Variants in PLXNB3 observed in about 807,000 individuals in gnomAD.
The protein encoded by PLXNB3 is plexin-B3.
In PLXNB3, 80 loss-of-function variants were observed where a neutral mutation model predicts 125.7. The ratio of observed to expected loss-of-function variants is 0.64; its 90% confidence interval spans 0.53 to 0.77. The LOEUF is 0.77. Ranked by LOEUF, PLXNB3 falls within the 30% of genes least tolerant of loss-of-function variation. The pLI is 0.00. For synonymous variants in PLXNB3, 954 were observed against 783.3 expected, an observed-to-expected ratio of 1.22 and a Z score of -3.64; for missense variants, 1,836 against 1,729.3, an observed-to-expected ratio of 1.06 and a Z score of -1.09.
In PLXNB3 at chrX:153,772,163, C is replaced by T; in HGVS notation, c.2670-19C>T. On this transcript the variant is annotated intron_variant, in intron 15 of 35. Coordinates refer to ENST00000361971, the MANE Select transcript of PLXNB3 (RefSeq NM_005393.3). ...TCCGTCCCTGAGCCCTGAGCAGCTC[C>T]CAGGCCTCGGCTTTCCAGGATTGTG... The T allele has an allele frequency of 8.4e-7, 1 of 1,188,985 alleles. No individual in the cohort carries two copies. Among genetic ancestry groups the T allele is most frequent in the Non-Finnish European group, 1.1e-6 (1 of 878,227 alleles).
chrX:153,776,232 G>GGGC lies in PLXNB3; in HGVS notation c.4729+18_4729+19insGGC. The GGGC allele has an allele frequency of 9.0e-7, 1 of 1,106,136 alleles. No individual in the cohort carries two copies. Among genetic ancestry groups the GGGC allele is most frequent in the Non-Finnish European group, 1.2e-6 (1 of 825,141 alleles). The allele number at this position is 1,106,136 out of a possible 1,213,427, so 91.2% of individuals were successfully genotyped here. A position where few individuals can be genotyped will look rare whatever the true frequency, so the allele number is the denominator to read the frequency against. On this transcript the variant is annotated intron_variant, in intron 27 of 35. Transcript: ENST00000361971. ...AGACCTTGGTGAGAGAGCCAGCCCT[G>GGGC]CCCACCCACCCCAGGGACCCTTCCC...
chrX:153,770,428 C>T lies in PLXNB3; in HGVS notation c.1877C>T (p.Ala626Val). The change falls in exon 9 of 36, where the codon GCC becomes GTC. Residue 626 changes from alanine to valine, a missense_variant. Coordinates refer to ENST00000361971, the MANE Select transcript of PLXNB3 (RefSeq NM_005393.3). Reference sequence around the variant, plus strand: ...TTTTATGACTGCAGTGCCGTCCAGGCCTTGGAGGCGGCTGCCCCGTGAGTC... The same window carrying T: ...TTTTATGACTGCAGTGCCGTCCAGGTCTTGGAGGCGGCTGCCCCGTGAGTC... Reference protein sequence around the residue: ...FSFYDCSAVQALEAAAPCRAC... With the variant: ...FSFYDCSAVQVLEAAAPCRAC... 8.3e-7 allele frequency: 1 copy of T among 1,209,294 alleles called. No individual in the cohort carries two copies. The highest frequency in any genetic ancestry group is 1.1e-6 in the Non-Finnish European group (1 of 893,825).
At chrX:153,769,124 C>G (rs1226138725) in intron 5 of PLXNB3, 38 bp from the exon 6 acceptor site, 2 of 1,200,869 alleles carry the variant, frequency 1.7e-6, no homozygotes, top group South Asian at 1.8e-5. Flanking sequence ...CGGCCCAAGT[C>G]TCGTGCCCAT....
Position 153,771,348 on chromosome X carries a change from C to T in PLXNB3, c.2292C>T (p.Pro764=), listed in dbSNP as rs1557061779. 9.9e-6 allele frequency: 12 copies of T among 1,210,512 alleles called. No homozygotes were observed. In the East Asian group the frequency reaches 3.2e-4, roughly 33 times the overall value. The change falls in exon 13 of 36, where the codon CCC becomes CCT. Residue 764 remains proline (P), a synonymous_variant. Transcript: ENST00000361971. ...TGTCCCAGCGGGAGCTCCCAGTGCC[C>T]ATCTACGTCACCCAGGGTGAAGCCC... ...PSMSQRELPV[P]IYVTQGEAQR...
chrX:153,766,735 C>T (rs2091863245), intron 2 of PLXNB3, 138 bp from the exon 3 acceptor site: 11 of 1,067,325 alleles, frequency 1.0e-5, no homozygotes, highest in Non-Finnish European at 1.2e-5. Flanking sequence ...TCCGCTCACT[C>T]TCTCTCATTC....
rs782116446 is a variant in PLXNB3 at position 153,778,929 on chromosome X, G to A, written c.5626-6G>A. 4.2e-5 allele frequency: 49 copies of A among 1,158,030 alleles called. No homozygotes were observed. Among genetic ancestry groups the A allele is most frequent in the East Asian group, 2.8e-4 (9 of 32,236 alleles). On this transcript the variant is annotated splice_polypyrimidine_tract_variant and splice_region_variant and intron_variant, in intron 35 of 35. Transcript: ENST00000361971. ...CTCAGACAGGCACCCTCCTCTGCCC[G>A]GGCAGATTATCAGTGCCCTGGAGGA...
At chrX:153,773,456 G>A (rs1442087858) in intron 18 of PLXNB3, 50 bp downstream of exon 18, 2 of 1,183,888 alleles carry the variant, frequency 1.7e-6, no homozygotes, top group Admixed American at 2.2e-5. Context: ...GAGGGAAGGT[G>A]GGATGCGGGC....
intron 16 of PLXNB3, 115 bp from the exon 17 acceptor site, chrX:153,772,771 A>T (rs2091946652): frequency 1.9e-6 from 2 of 1,037,400 alleles, no homozygotes; most frequent in Non-Finnish European, 1.2e-6. Context: ...TGGCCCCAGG[A>T]GGTGAAGTCC....
chrX:153,773,581 T>C lies in PLXNB3; in HGVS notation c.3147T>C (p.Ser1049=), dbSNP rs782509978. Residue 1049 remains serine, a synonymous_variant, in exon 19 of 36, where the codon TCT becomes TCC. Coordinates refer to ENST00000361971, the MANE Select transcript of PLXNB3 (RefSeq NM_005393.3). ...GLDVVQRPLL[S]VWLEADAEVQ... is the part of the protein sequence containing the mutation. ...ACGTGGTGCAGCGGCCCCTACTGTC[T>C]GTGTGGCTGGAGGCTGACGCAGAGG... 4.1e-6 allele frequency: 5 copies of C among 1,206,873 alleles called. No homozygotes were observed. In the Admixed American group the frequency reaches 1.1e-4, roughly 26 times the overall value.
intron 7 of PLXNB3, 42 bp downstream of exon 7, chrX:153,769,981 C>CA: frequency 8.4e-7 from 1 of 1,194,411 alleles, no homozygotes; most frequent in East Asian, 3.0e-5. Context: ...GCAGCATGAC[C>CA]ACTGCCTGGA....
At chrX:153,765,908 C>T (rs931335825) in intron 2 of PLXNB3, 9 of 754,237 alleles carry the variant, frequency 1.2e-5, no homozygotes, top group African/African-American at 1.1e-4. Context: ...CTCTCACCCT[C>T]GGGGGCTCAC....
intron 34 of PLXNB3, 42 bp from the exon 35 acceptor site, chrX:153,778,558 C>G (rs1557065387): frequency 8.5e-7 from 1 of 1,173,800 alleles, no homozygotes; most frequent in Admixed American, 2.3e-5. Flanking sequence ...GCTTGAGGAC[C>G]AGGCTGGGAC....
rs782125512 is a variant in PLXNB3 at position 153,766,873 on chromosome X, G to A, written c.46G>A (p.Ala16Thr). 8.4e-7 allele frequency: 1 copy of A among 1,192,502 alleles called. No individual in the cohort carries two copies. The highest frequency in any genetic ancestry group is 3.0e-5 in the East Asian group (1 of 33,229). The change falls in exon 3 of 36, where the codon GCC (alanine) becomes ACC (threonine). Residue 16 changes from alanine to threonine, a missense_variant and splice_region_variant. Transcript: ENST00000361971. ...TGCCCTGACCTGTGCCCTCTCACAGGCCCCCGTGATGGCTCGCTGGCCTCC... is the reference window on the plus strand; with the variant it reads ...TGCCCTGACCTGTGCCCTCTCACAGACCCCCGTGATGGCTCGCTGGCCTCC... ...QETPLLHHFMAPVMARWPPFG... is the reference protein window; with the variant it reads ...QETPLLHHFMTPVMARWPPFG...
intron 1 of PLXNB3, among the ~76,000 whole-genome samples, chrX:153,765,021 C>T (rs1478537676): frequency 1.8e-5 from 2 of 113,234 alleles, no homozygotes; most frequent in African/African-American, 3.2e-5. Context: ...TGGCACTTCA[C>T]CCAGGCCCCA....
rs1355086646 is a variant in PLXNB3, at chrX:153,774,463, A to T, written c.3722A>T (p.Tyr1241Phe). The T allele has an allele frequency of 8.3e-7, 1 of 1,204,226 alleles. No homozygotes were observed. Among genetic ancestry groups the T allele is most frequent in the African/African-American group, 1.7e-5 (1 of 57,882 alleles). The stretch of plus-strand genomic sequence containing the variant: ...CAGCTGGCCCTGGGCCCTGTGCAGT[A>T]CGAGGCTGAACCCCCGCTGTCTGCC... ...NVQLALGPVQ[Y>F]EAEPPLSAFP... The change falls in exon 22 of 36, where the codon TAC becomes TTC. Residue 1241 changes from tyrosine to phenylalanine, a missense_variant. By Grantham distance (22) the Tyr-to-Phe change is conservative. Coordinates refer to ENST00000361971, the MANE Select transcript of PLXNB3 (RefSeq NM_005393.3).
At position 153,771,332 on chromosome X, in the gene PLXNB3, G is replaced by C; in HGVS notation, c.2276G>C (p.Arg759Pro). The C allele has an allele frequency of 2.5e-6, 3 of 1,209,651 alleles. No individual in the cohort carries two copies. Among genetic ancestry groups the C allele is most frequent in the Non-Finnish European group, 2.2e-6 (2 of 893,837 alleles). The change falls in exon 13 of 36, where the codon CGG (arginine) becomes CCG (proline). Residue 759 changes from arginine to proline, a missense_variant. Physicochemically the swap from Arg to Pro is moderately radical, Grantham distance 103. Coordinates refer to ENST00000361971, the MANE Select transcript of PLXNB3 (RefSeq NM_005393.3). ...CAGTTTTATCCCTCCATGTCCCAGC[G>C]GGAGCTCCCAGTGCCCATCTACGTC... ...AHQFYPSMSQ[R>P]ELPVPIYVTQ...
Position 153,768,961 on chromosome X carries a change from G to A in PLXNB3, c.1280G>A (p.Gly427Asp), listed in dbSNP as rs782281721. 1.7e-5 allele frequency: 21 copies of A among 1,210,703 alleles called. No individual in the cohort carries two copies. Among genetic ancestry groups the A allele is most frequent in the Non-Finnish European group, 2.3e-5 (21 of 894,871 alleles). The change falls in exon 5 of 36, where the codon GGC (glycine) becomes GAC (aspartate). Residue 427 changes from glycine (G) to aspartate (D), a missense_variant. Transcript: ENST00000361971. The stretch of plus-strand genomic sequence containing the variant: ...CCCCCCACTCAGGTCTTTCTCCACG[G>A]CTCCCAGGGCCAGGTTTACCACTCC... The part of the protein sequence containing the change: ...QGQLYKVFLH[G>D]SQGQVYHSQQ...
rs781948466 is a variant in PLXNB3 at position 153,774,926 on chromosome X, C to T, written c.3978C>T (p.Ser1326=). 58 of 1,188,883 alleles carry T rather than the reference C, an allele frequency of 4.9e-5. No individual in the cohort carries two copies. The highest frequency in any genetic ancestry group is 1.9e-4 in the South Asian group (10 of 53,822). ...MTDLSSDLEG[S]GIPFLDYRTY... ...ACCTCAGCAGCGACCTGGAGGGCAG[C>T]GGGATCCCCTTCCTGGACTACCGCA... The change falls in exon 24 of 36, where the codon AGC becomes AGT. Residue 1326 remains serine, a synonymous_variant. Coordinates refer to ENST00000361971, the MANE Select transcript of PLXNB3 (RefSeq NM_005393.3).
rs782190591 is a variant in PLXNB3, at chrX:153,774,050, G to T, written c.3471G>T (p.Gly1157=). Residue 1157 remains glycine, a synonymous_variant, in exon 20 of 36, where the codon GGG becomes GGT. Transcript: ENST00000361971. ...GCCTGGCACCCCTCAGCCGCGAGGGGCCTGCCCGCCCCTACCGCCTCAAGC... is the reference window on the plus strand; with the variant it reads ...GCCTGGCACCCCTCAGCCGCGAGGGTCCTGCCCGCCCCTACCGCCTCAAGC... ...NPRLAPLSRE[G]PARPYRLKPG... is the part of the protein sequence containing the mutation. 8.4e-7 allele frequency: 1 copy of T among 1,191,131 alleles called. No individual in the cohort carries two copies. The highest frequency in any genetic ancestry group is 1.8e-5 in the South Asian group (1 of 54,372).
Sources: allele counts gnomAD v4.1 joint callset (sites outside exome capture counted in the v4.1 genomes callset), GRCh38; gene constraint gnomAD v4.1.1; transcripts MANE v1.5; gene names NCBI Gene and HGNC (gene_info 2026-07-23, HGNC 2026-07-21).